The following KIF2C variants were observed in gnomAD, a reference collection of about 807,000 sequenced individuals.
KIF2C encodes the protein kinesin family member 2C.
In KIF2C, 34 loss-of-function variants were observed where a neutral mutation model predicts 97.4. The observed-to-expected ratio is 0.35, with a 90% CI of 0.27 to 0.46. KIF2C has a LOEUF of 0.46. Ranked by LOEUF, KIF2C falls within the 20% of genes least tolerant of loss-of-function variation. The pLI is 1.00. For missense variants in KIF2C, 750 were observed against 907.6 expected (o/e 0.83, Z 2.23); for synonymous variants, 313 against 318.2 (o/e 0.98, Z 0.17).
chr1:44,741,139 T>C, intron 2 of KIF2C, 132 bp downstream of exon 2: 1 of 652,412 alleles, frequency 1.5e-6, no homozygotes. Context: ...TCCCAGAACT[T>C]TGGGAGGCTG....
In KIF2C at chr1:44,746,634, A is replaced by T. The variant is rs903527344; in HGVS notation, c.166-750A>T. ...TGCCCAGCAGATCAGCAGGGGAGCC[A>T]AGTGGCCTAGATCTGCTGTGGAGTA... On this transcript the variant is annotated intron_variant, in intron 2 of 20. Coordinates refer to ENST00000372224, the MANE Select transcript of KIF2C (RefSeq NM_006845.4). 3 of 1,506,040 alleles carry T rather than the reference A, an allele frequency of 2.0e-6. No homozygotes were observed. The African/African-American group carries it at 4.2e-5, about 21-fold the overall frequency. The allele number at this position is 1,506,040 out of a possible 1,614,324, so 93.3% of individuals were successfully genotyped here.
At chr1:44,762,013 G>A (rs777040242) in intron 17 of KIF2C, 30 bp downstream of exon 17, 28 of 1,593,842 alleles carry the variant, frequency 1.8e-5, no homozygotes, top group East Asian at 6.7e-5. Context: ...GGTGGGATGC[G>A]GAACAGGACT....
chr1:44,765,995 T>G (rs1014700936), intron 19 of KIF2C, among the ~76,000 whole-genome samples: 3 of 152,000 alleles, frequency 2.0e-5, no homozygotes, highest in African/African-American at 7.3e-5. Flanking sequence ...GAGGTTGCAG[T>G]GAGCCGAGAT....
intron 2 of KIF2C, among the ~76,000 whole-genome samples, chr1:44,744,202 G>A (rs1210804403): frequency 6.6e-6 from 1 of 152,010 alleles, no homozygotes; most frequent in Non-Finnish European, 1.5e-5. Context: ...CCATGCCCCA[G>A]GTTCAAGCAA....
At chr1:44,740,561 T>C (rs1648881965) in intron 1 of KIF2C, among the ~76,000 whole-genome samples, 2 of 152,294 alleles carry the variant, frequency 1.3e-5, no homozygotes, top group East Asian at 1.9e-4. Flanking sequence ...CTCAATGCTA[T>C]GTTGAGGAAA....
Position 44,753,164 on chromosome 1 carries a change from G to A in KIF2C, c.472G>A (p.Ala158Thr), listed in dbSNP as rs766385100. The A allele has an allele frequency of 1.2e-6, 2 of 1,613,636 alleles. No individual in the cohort carries two copies. Among genetic ancestry groups the A allele is most frequent in the African/African-American group, 1.3e-5 (1 of 74,916 alleles). ...CACTAGGCCTTCCTGCCCTGCAGTG[G>A]CTGAAATACCATTGAGGATGGTCAG... ...APTRPSCPAV[A>T]EIPLRMVSEE... is the part of the protein sequence containing the mutation. The change falls in exon 6 of 21, where the codon GCT becomes ACT. Residue 158 changes from alanine to threonine, a missense_variant. Physicochemically the swap from Ala to Thr is moderately conservative, Grantham distance 58. Transcript: ENST00000372224.
intron 19 of KIF2C, among the ~76,000 whole-genome samples, chr1:44,766,018 C>T (rs1650445739): frequency 6.6e-6 from 1 of 152,004 alleles, no homozygotes; most frequent in African/African-American, 2.4e-5. Flanking sequence ...CGCCACTGCA[C>T]TCCAACCTGG....
At chr1:44,759,070 G>A in intron 13 of KIF2C, 136 bp from the exon 14 acceptor site, 1 of 1,101,572 alleles carries the variant, frequency 9.1e-7, no homozygotes, top group Admixed American at 2.0e-5. Flanking sequence ...CTGCTAGGCT[G>A]ACATCCATCA....
chr1:44,760,358 G>A lies in KIF2C; in HGVS notation c.1446G>A (p.Gly482=), dbSNP rs1650073949. 3 of 1,614,104 alleles carry A rather than the reference G, an allele frequency of 1.9e-6. No individual in the cohort carries two copies. The highest frequency in any genetic ancestry group is 2.2e-5 in the East Asian group (1 of 44,896). The part of the protein sequence containing the change: ...ACFQIILRAK[G]RMHGKFSLVD... Reference sequence around the variant, plus strand: ...TCCAAATTATTCTTCGAGCTAAAGGGAGAATGCATGGCAAGTTCTCTTTGG... The same window carrying A: ...TCCAAATTATTCTTCGAGCTAAAGGAAGAATGCATGGCAAGTTCTCTTTGG... Residue 482 remains glycine (G), a synonymous_variant, in exon 15 of 21, where the codon GGG becomes GGA. Transcript: ENST00000372224. This position sits in a 1 kb window ranked among gnomAD's most constrained non-coding sequence, Gnocchi z 4.2.
At chr1:44,746,507 A>G in intron 2 of KIF2C, 1 of 1,278,708 alleles carries the variant, frequency 7.8e-7, no homozygotes. Flanking sequence ...ATAAGATCCT[A>G]AAGGGCCCCC....
chr1:44,757,138 A>C (rs1275529650), intron 10 of KIF2C, among the ~76,000 whole-genome samples: 1 of 151,998 alleles, frequency 6.6e-6, no homozygotes, highest in African/African-American at 2.4e-5. Context: ...GCTGGTCTCA[A>C]ACTCCTGAGT....
Position 44,762,882 on chromosome 1 carries a change from A to G in KIF2C, c.1971+224A>G, listed in dbSNP as rs140661524. On this transcript the variant is annotated intron_variant, in intron 19 of 20. Transcript: ENST00000372224. Reference sequence around the variant, plus strand: ...GCACACATAGGCTTTCTGACATCACACTAGCCAGAGCTAGTCTCTCCTCCA... The same window carrying G: ...GCACACATAGGCTTTCTGACATCACGCTAGCCAGAGCTAGTCTCTCCTCCA... Among the ~76,000 whole-genome samples, 620 of 152,320 alleles carry G rather than the reference A, an allele frequency of 4.1e-3. 4 individuals are homozygous for G. The highest frequency in any genetic ancestry group is 6.7e-3 in the East Asian group (35 of 5,190).
At chr1:44,740,781 T>A in intron 1 of KIF2C, 132 bp from the exon 2 acceptor site, 1 of 192,282 alleles carries the variant, frequency 5.2e-6, no homozygotes, top group East Asian at 1.3e-4. Flanking sequence ...TTCTCTTAGT[T>A]TTTTTTTTTT....
intron 2 of KIF2C, chr1:44,746,879 GTTGT>G: frequency 9.5e-7 from 1 of 1,057,882 alleles, no homozygotes; most frequent in South Asian, 1.6e-5. Flanking sequence ...TTTTTTCTAT[GTTGT>G]TTTTTTGTTT....
intron 16 of KIF2C, among the ~76,000 whole-genome samples, chr1:44,761,332 G>A (rs551716925): frequency 1.2e-4 from 18 of 152,212 alleles, no homozygotes; most frequent in Non-Finnish European, 2.2e-4. Context: ...TGGGCTGGGC[G>A]CGGTGGCTCA....
intron 8 of KIF2C, among the ~76,000 whole-genome samples, chr1:44,755,483 G>A (rs926079452): frequency 1.6e-4 from 24 of 152,040 alleles, no homozygotes; most frequent in African/African-American, 5.1e-4. Context: ...TCAGGCTGGT[G>A]TCGAACTCCT....
chr1:44,741,303 A>T (rs1325220089), intron 2 of KIF2C, among the ~76,000 whole-genome samples: 2 of 150,082 alleles, frequency 1.3e-5, no homozygotes, highest in African/African-American at 4.9e-5. Flanking sequence ...AACTGCTTGA[A>T]CCTGGGAGGC....
chr1:44,766,593 A>G (rs965235368), intron 19 of KIF2C, among the ~76,000 whole-genome samples: 2 of 152,210 alleles, frequency 1.3e-5, no homozygotes, highest in East Asian at 3.8e-4. Context: ...CCTGGGCAAC[A>G]AGAGTGAAAC....
intron 19 of KIF2C, among the ~76,000 whole-genome samples, chr1:44,764,815 C>G (rs1394357421): frequency 6.6e-6 from 1 of 152,102 alleles, no homozygotes; most frequent in South Asian, 2.1e-4. Context: ...AGTCGTATAT[C>G]TATTATTTAA....
Sources: gnomAD v4.1 joint callset for allele counts (sites outside exome capture counted in the v4.1 genomes callset) on GRCh38, gnomAD v4.1.1 for gene constraint, Gnocchi (gnomAD v3.1) non-coding constraint, MANE v1.5 for transcripts, NCBI Gene and HGNC (gene_info 2026-07-23, HGNC 2026-07-21) for gene names.